The following PTPRD variants were observed in gnomAD, a reference collection of about 807,000 sequenced individuals.
The protein encoded by PTPRD is protein tyrosine phosphatase receptor type D, also known as receptor-type tyrosine-protein phosphatase delta.
Under a neutral mutation model 214.5 loss-of-function variants are expected in PTPRD, and 34 were observed. The observed-to-expected ratio is 0.16, with a 90% CI of 0.12 to 0.21. The LOEUF (loss-of-function observed/expected upper bound fraction) is 0.21, where lower values mean the gene tolerates loss of function less well. PTPRD is among the 10% of genes least tolerant of loss of function. The pLI is 1.00. For missense variants in PTPRD, 2,545 were observed against 2,398.7 expected (o/e 1.06, Z -1.27); for synonymous variants, 1,128 against 845.7 (o/e 1.33, Z -5.79).
intron 8 of PTPRD, among the ~76,000 whole-genome samples, chr9:9,445,027 A>C: frequency 6.6e-6 from 1 of 152,172 alleles, no homozygotes; most frequent in East Asian, 1.9e-4. Flanking sequence ...TTTTAAAAAA[A>C]TGAGTGAGCA....
intron 9 of PTPRD, among the ~76,000 whole-genome samples, chr9:9,307,267 A>G (rs1343328482): frequency 6.6e-6 from 1 of 152,184 alleles, no homozygotes; most frequent in African/African-American, 2.4e-5. Flanking sequence ...TGAGTAGCTC[A>G]CACTATATAA....
At chr9:9,957,970 T>G (rs2094068720) in intron 4 of PTPRD, among the ~76,000 whole-genome samples, 1 of 151,218 alleles carries the variant, frequency 6.6e-6, no homozygotes, top group African/African-American at 2.5e-5. Flanking sequence ...GGCAATTCAA[T>G]GGGGAAAAGG....
intron 12 of PTPRD, among the ~76,000 whole-genome samples, chr9:8,648,152 T>C (rs2096733307): frequency 6.6e-6 from 1 of 152,226 alleles, no homozygotes; most frequent in Non-Finnish European, 1.5e-5. Flanking sequence ...TATGTTCCAA[T>C]GTTTGAGGGA....
chr9:8,976,032 G>A (rs916067773), intron 11 of PTPRD, among the ~76,000 whole-genome samples: 2 of 151,884 alleles, frequency 1.3e-5, no homozygotes, highest in East Asian at 1.9e-4. Context: ...AAGATGATAC[G>A]TTTTTGCCTT....
intron 8 of PTPRD, among the ~76,000 whole-genome samples, chr9:9,402,078 G>A (rs530404977): frequency 6.6e-6 from 1 of 152,110 alleles, no homozygotes; most frequent in Non-Finnish European, 1.5e-5. Context: ...AAATACAAAC[G>A]AAAGTTGGTT....
chr9:8,644,652 C>A (rs1423874225), intron 12 of PTPRD, among the ~76,000 whole-genome samples: 1 of 152,176 alleles, frequency 6.6e-6, no homozygotes, highest in Admixed American at 6.5e-5. Flanking sequence ...ACTGCATTCA[C>A]CAGTGCCAGC....
chr9:10,031,345 G>C (rs572215749), intron 4 of PTPRD, among the ~76,000 whole-genome samples: 1 of 151,918 alleles, frequency 6.6e-6, no homozygotes, highest in African/African-American at 2.4e-5. Flanking sequence ...ATTAACATTT[G>C]AGTCAGTGGG....
At chr9:8,472,314 G>C (rs969374818) in intron 30 of PTPRD, among the ~76,000 whole-genome samples, 1 of 152,108 alleles carries the variant, frequency 6.6e-6, no homozygotes, top group African/African-American at 2.4e-5. Flanking sequence ...CTTTAAAAGA[G>C]GAGGCCACCA....
At chr9:9,366,716 C>T (rs1016015920) in intron 9 of PTPRD, among the ~76,000 whole-genome samples, 6 of 150,804 alleles carry the variant, frequency 4.0e-5, no homozygotes, top group African/African-American at 7.3e-5. Context: ...TTTAAAATAA[C>T]GAATCATTAA....
chr9:9,736,708 A>G (rs945700954), intron 6 of PTPRD, among the ~76,000 whole-genome samples: 1 of 151,898 alleles, frequency 6.6e-6, no homozygotes, highest in African/African-American at 2.4e-5. Flanking sequence ...GTGCATTTTC[A>G]TATGTTTATT....
chr9:8,954,795 ACTCAAGGT>A (rs1411387452), intron 11 of PTPRD, among the ~76,000 whole-genome samples: 5 of 151,920 alleles, frequency 3.3e-5, no homozygotes, highest in African/African-American at 1.2e-4. Context: ...AAAACAATGG[ACTCAAGGT>A]CTCAATGTAA....
At chr9:10,208,460 A>G (rs572416320) in intron 3 of PTPRD, among the ~76,000 whole-genome samples, 3,752 of 152,210 alleles carry the variant, frequency 0.025, 52 homozygotes, top group African/African-American at 0.03. Context: ...CTTGCAGTGA[A>G]CGGAGATCGC....
At chr9:10,117,460 A>T (rs913435090) in intron 3 of PTPRD, among the ~76,000 whole-genome samples, 6 of 152,134 alleles carry the variant, frequency 3.9e-5, no homozygotes, top group African/African-American at 1.4e-4. Context: ...GAAGTACAAA[A>T]TCAAGGCATT....
chr9:10,385,898 T>C (rs767544232), intron 2 of PTPRD, among the ~76,000 whole-genome samples: 16 of 151,862 alleles, frequency 1.1e-4, no homozygotes, highest in Non-Finnish European at 1.6e-4. Context: ...AAGAGATAAT[T>C]ATATTTTTTA....
intron 4 of PTPRD, among the ~76,000 whole-genome samples, chr9:9,942,263 A>G (rs144281376): frequency 3.9e-5 from 6 of 152,138 alleles, no homozygotes; most frequent in African/African-American, 1.4e-4. Context: ...TGATTTACCA[A>G]TATTATGGGT....
intron 9 of PTPRD, among the ~76,000 whole-genome samples, chr9:9,314,101 T>A (rs1447464295): frequency 1.3e-5 from 2 of 152,136 alleles, no homozygotes; most frequent in Admixed American, 1.3e-4. Flanking sequence ...ATTTTCACCA[T>A]TATTTGTTTG....
At chr9:9,067,909 A>G (rs2099737452) in intron 10 of PTPRD, among the ~76,000 whole-genome samples, 1 of 152,160 alleles carries the variant, frequency 6.6e-6, no homozygotes, top group Non-Finnish European at 1.5e-5. Flanking sequence ...AACTAGAATG[A>G]AGACACAGAA....
chr9:9,459,343 T>C (rs2093413741), intron 8 of PTPRD, among the ~76,000 whole-genome samples: 1 of 152,042 alleles, frequency 6.6e-6, no homozygotes, highest in South Asian at 2.1e-4. Context: ...GTAGTGGAAA[T>C]ACTGGCCAGA....
At chr9:10,394,125 T>C (rs1402719339) in intron 2 of PTPRD, among the ~76,000 whole-genome samples, 1 of 145,872 alleles carries the variant, frequency 6.9e-6, no homozygotes, top group Non-Finnish European at 1.5e-5. Flanking sequence ...TATATATACA[T>C]ATATATCTTT....
Sources: gnomAD v4.1 joint callset for allele counts (sites outside exome capture counted in the v4.1 genomes callset) on GRCh38, gnomAD v4.1.1 for gene constraint, MANE v1.5 for transcripts, NCBI Gene and HGNC (gene_info 2026-07-23, HGNC 2026-07-21) for gene names.